Variants in PLEKHH2 observed in about 807,000 individuals in gnomAD.
The protein encoded by PLEKHH2 is pleckstrin homology, MyTH4 and FERM domain containing H2.
PLEKHH2 carries 129 observed loss-of-function variants against 187.9 expected under a neutral mutation model. That is an observed-to-expected ratio of 0.69 (90% CI 0.59 to 0.79). The LOEUF (loss-of-function observed/expected upper bound fraction) is 0.79. Among genes scored for constraint, PLEKHH2 ranks in the 30% least tolerant of loss-of-function variants. The pLI is 0.00. For synonymous variants in PLEKHH2, 686 were observed against 605.6 expected (o/e 1.13, Z -1.95); for missense variants, 2,076 against 1,751.2 (o/e 1.19, Z -3.31).
intron 22 of PLEKHH2, among the ~76,000 whole-genome samples, 155 bp downstream of exon 22, chr2:43,743,073 C>T (rs192447159): frequency 2.6e-5 from 4 of 152,298 alleles, no homozygotes; most frequent in African/African-American, 7.2e-5. Flanking sequence ...AGTTTTGAAA[C>T]AGTTTTGCTA....
At chr2:43,670,874 T>A (rs546792453) in intron 2 of PLEKHH2, among the ~76,000 whole-genome samples, 1 of 152,330 alleles carries the variant, frequency 6.6e-6, no homozygotes, top group South Asian at 2.1e-4. Flanking sequence ...CATATAAATA[T>A]TGTGCTTATT....
rs1672090854 is a variant in PLEKHH2, at chr2:43,753,630, C to T, written c.3665C>T (p.Ser1222Leu). The T allele has an allele frequency of 1.4e-6, 2 of 1,478,380 alleles. No individual in the cohort carries two copies. The highest frequency in any genetic ancestry group is 1.5e-5 in the African/African-American group (1 of 68,940). 91.6% of individuals were successfully genotyped at this position (1,478,380 alleles called of 1,614,324 possible). Residue 1222 changes from serine to leucine, a missense_variant, in exon 25 of 30, where the codon TCA becomes TTA. Transcript: ENST00000282406. ...RLTYKNRLYF[S>L]VQARGETDRE... is the part of the protein sequence containing the mutation. Reference sequence around the variant, plus strand: ...CTTTTTTTTTACAGACTATATTTCTCAGTGCAAGCTCGTGGAGAGACTGAT... The same window carrying T: ...CTTTTTTTTTACAGACTATATTTCTTAGTGCAAGCTCGTGGAGAGACTGAT...
chr2:43,645,721 T>C (rs1299762389), intron 2 of PLEKHH2, among the ~76,000 whole-genome samples: 1 of 152,150 alleles, frequency 6.6e-6, no homozygotes, highest in African/African-American at 2.4e-5. Context: ...CTTTTTACTT[T>C]TTAAACGTGT....
At chr2:43,678,284 C>T (rs1256650976) in intron 2 of PLEKHH2, among the ~76,000 whole-genome samples, 42 of 151,804 alleles carry the variant, frequency 2.8e-4, no homozygotes, top group African/African-American at 6.8e-4. Context: ...CAGGCAGAGA[C>T]GCTCCTCACT....
chr2:43,690,449 C>T (rs748353192), intron 3 of PLEKHH2, among the ~76,000 whole-genome samples: 2 of 151,952 alleles, frequency 1.3e-5, no homozygotes, highest in Non-Finnish European at 2.9e-5. Context: ...TGCAGTGAAC[C>T]CACAGATGAA....
intron 19 of PLEKHH2, 31 bp from the exon 20 acceptor site, chr2:43,738,310 C>G (rs1220891996): frequency 6.4e-7 from 1 of 1,563,712 alleles, no homozygotes; most frequent in Non-Finnish European, 8.8e-7. Flanking sequence ...TCACTCCTCA[C>G]CTTGAATATA....
chr2:43,653,918 A>G (rs187617944), intron 2 of PLEKHH2, among the ~76,000 whole-genome samples: 42 of 152,334 alleles, frequency 2.8e-4, no homozygotes, highest in Middle Eastern at 6.8e-3. Context: ...TTACAATAAT[A>G]CTATTTCTGA....
chr2:43,679,472 G>A (rs768226391), intron 3 of PLEKHH2: 15 of 344,212 alleles, frequency 4.4e-5, no homozygotes, highest in Admixed American at 3.2e-4. Context: ...TTTGAATTAC[G>A]GAATCAGGAA....
chr2:43,691,089 C>T (rs1668768382), intron 3 of PLEKHH2, among the ~76,000 whole-genome samples: 1 of 152,204 alleles, frequency 6.6e-6, no homozygotes, highest in East Asian at 1.9e-4. Context: ...CACCACTCAA[C>T]CTCCAGCCAC....
At chr2:43,746,181 G>A (rs1182283141) in intron 24 of PLEKHH2, among the ~76,000 whole-genome samples, 1 of 152,124 alleles carries the variant, frequency 6.6e-6, no homozygotes, top group East Asian at 1.9e-4. Context: ...TATATTTTAT[G>A]AAAATATGCT....
Position 43,678,905 on chromosome 2 carries a change from G to A in PLEKHH2, c.166G>A (p.Ala56Thr). Residue 56 changes from alanine (A) to threonine (T), a missense_variant, in exon 3 of 30, where the codon GCA becomes ACA. Coordinates refer to ENST00000282406, the MANE Select transcript of PLEKHH2 (RefSeq NM_172069.4). Reference sequence around the variant, plus strand: ...ACAAGTTATTGATGCTGAACGTCAAGCAGAAAAAGCTTTTCAACAGGTAGA... The same window carrying A: ...ACAAGTTATTGATGCTGAACGTCAAACAGAAAAAGCTTTTCAACAGGTAGA... ...ERQVIDAERQ[A>T]EKAFQQVQVM... 1.2e-6 allele frequency: 2 copies of A among 1,608,962 alleles called. No homozygotes were observed. The highest frequency in any genetic ancestry group is 1.1e-5 in the South Asian group (1 of 90,402).
At position 43,729,679 on chromosome 2, in the gene PLEKHH2, A is replaced by G. The variant is rs755419935; in HGVS notation, c.2764A>G (p.Asn922Asp). The G allele has an allele frequency of 1.9e-6, 3 of 1,609,780 alleles. No homozygotes were observed. Among genetic ancestry groups the G allele is most frequent in the East Asian group, 2.2e-5 (1 of 44,750 alleles). Reference protein sequence around the residue: ...YHLTVAAGSNNVNVGSEFEQL... With the variant: ...YHLTVAAGSNDVNVGSEFEQL... ...TCTGACTGTTGCAGCTGGAAGCAAC[A>G]ATGTAAACGTTGGATCTGAATTTGA... The change falls in exon 18 of 30, where the codon AAT (asparagine) becomes GAT (aspartate). Residue 922 changes from asparagine (N) to aspartate (D), a missense_variant. Asn to Asp is a conservative substitution (Grantham distance 23). Transcript: ENST00000282406.
intron 19 of PLEKHH2, among the ~76,000 whole-genome samples, chr2:43,733,102 C>A (rs1002056939): frequency 7.2e-5 from 11 of 152,264 alleles, no homozygotes; most frequent in South Asian, 4.1e-4. Context: ...GTGGCTCACG[C>A]CTGTAATCCC....
At chr2:43,718,782 A>C (rs1670334558) in intron 15 of PLEKHH2, among the ~76,000 whole-genome samples, 1 of 152,202 alleles carries the variant, frequency 6.6e-6, no homozygotes, top group Admixed American at 6.5e-5. Flanking sequence ...CACCCCACAC[A>C]GCGCTATTTA....
chr2:43,727,982 GC>G (rs1382706911), intron 17 of PLEKHH2, among the ~76,000 whole-genome samples: 1 of 152,116 alleles, frequency 6.6e-6, no homozygotes, highest in Non-Finnish European at 1.5e-5. Context: ...AAATGATAAA[GC>G]TTTTATTGTC....
In PLEKHH2 at chr2:43,742,777, T is replaced by A. The variant is rs901018941; in HGVS notation, c.3258T>A (p.Arg1086=). The change falls in exon 22 of 30, where the codon CGT becomes CGA. Residue 1086 remains arginine (R), a synonymous_variant. Transcript: ENST00000282406. ...EFGKYAIYCQ[R]CVERTQQNGD... is the part of the protein sequence containing the mutation. ...GAAAATATGCCATTTACTGCCAGCG[T>A]TGTGTAGAAAGAACGCAACAAAATG... 1 of 1,600,828 alleles carries A rather than the reference T, an allele frequency of 6.2e-7. No individual in the cohort carries two copies. The highest frequency in any genetic ancestry group is 1.3e-5 in the African/African-American group (1 of 74,340).
intron 1 of PLEKHH2, among the ~76,000 whole-genome samples, chr2:43,644,198 C>G (rs919740554): frequency 6.6e-6 from 1 of 152,098 alleles, no homozygotes; most frequent in Non-Finnish European, 1.5e-5. Flanking sequence ...AACTGTAATA[C>G]TTCCTTAAAT....
chr2:43,668,592 T>C (rs1667337843), intron 2 of PLEKHH2, among the ~76,000 whole-genome samples: 1 of 152,202 alleles, frequency 6.6e-6, no homozygotes, highest in South Asian at 2.1e-4. Context: ...CTTGTGTATA[T>C]AACATTTTTA....
chr2:43,673,052 A>T (rs577473517), intron 2 of PLEKHH2, among the ~76,000 whole-genome samples: 1 of 152,274 alleles, frequency 6.6e-6, no homozygotes, highest in South Asian at 2.1e-4. Flanking sequence ...ACATCTTTTC[A>T]TATATATTTA....
Sources: allele counts gnomAD v4.1 joint callset (sites outside exome capture counted in the v4.1 genomes callset), GRCh38; gene constraint gnomAD v4.1.1; transcripts MANE v1.5; gene names NCBI Gene and HGNC (gene_info 2026-07-23, HGNC 2026-07-21).